TRIM66: variants seen among roughly 807,000 people sequenced by gnomAD.
TRIM66 encodes tripartite motif containing 66.
A neutral mutation model predicts 148.2 loss-of-function variants in TRIM66; 99 were observed. That is an observed-to-expected ratio of 0.67 (90% confidence interval 0.57 to 0.79). The LOEUF (loss-of-function observed/expected upper bound fraction) is 0.79, where lower values mean the gene tolerates loss of function less well. TRIM66 is among the 30% of genes least tolerant of loss of function. The pLI, the probability that TRIM66 is intolerant of heterozygous loss-of-function variation, is 0.00. For synonymous variants in TRIM66, 616 were observed against 635.9 expected, an observed-to-expected ratio of 0.97 and a Z score of 0.47; for missense variants, 1,666 against 1,697.9, an observed-to-expected ratio of 0.98 and a Z score of 0.33.
intron 15 of TRIM66, among the ~76,000 whole-genome samples, chr11:8,637,933 T>C (rs2036032164): frequency 6.6e-6 from 1 of 152,106 alleles, no homozygotes; most frequent in Admixed American, 6.5e-5. Context: ...GAGGTGAGAA[T>C]AGATAGTTGA....
Position 8,682,635 on chromosome 11 carries a change from T to TG in TRIM66, c.-583dup. ...ACACCGCCACCAGGACACTCCGTGA[T>TG]GGGGGATCACCACCCTCAGAAAGAG... On this transcript the variant is annotated 5_prime_UTR_variant, in exon 1 of 25. Transcript: ENST00000646038. The TG allele has an allele frequency of 1.4e-6, 1 of 705,646 alleles. No homozygotes were observed. The highest frequency in any genetic ancestry group is 2.5e-6 in the Non-Finnish European group (1 of 395,188). The allele number at this position is 705,646 out of a possible 1,614,324, so 43.7% of individuals were successfully genotyped here.
rs998177421 is a variant in TRIM66, at chr11:8,671,698, T to G, written c.340+88A>C. ...GTCCCTTGGGCATTTAAATTCTGAT[T>G]CTTTCTACACCCAAAATTCAGTTCC... On this transcript the variant is annotated intron_variant, in intron 6 of 24. Coordinates refer to ENST00000646038, the MANE Select transcript of TRIM66 (RefSeq NM_001388022.1). 5 of 671,200 alleles carry G rather than the reference T, an allele frequency of 7.4e-6. No individual in the cohort carries two copies. In the East Asian group the frequency reaches 1.4e-4, roughly 18 times the overall value. 41.6% of individuals were successfully genotyped at this position (671,200 alleles called of 1,614,324 possible). A position where few individuals can be genotyped will look rare whatever the true frequency, so the allele number is the denominator to read the frequency against.
intron 8 of TRIM66, among the ~76,000 whole-genome samples, chr11:8,649,308 C>G (rs888774726): frequency 1.3e-5 from 2 of 152,036 alleles, no homozygotes; most frequent in Non-Finnish European, 2.9e-5. Context: ...CACCGCACCC[C>G]AGCCTGGGTG....
chr11:8,621,562 A>G, intron 19 of TRIM66, 83 bp downstream of exon 19: 1 of 1,434,942 alleles, frequency 7.0e-7, no homozygotes, highest in Non-Finnish European at 9.2e-7. Context: ...GAAAGGTCCC[A>G]GAGTCAGAAT....
chr11:8,655,023 G>A (rs2037698809), intron 6 of TRIM66, among the ~76,000 whole-genome samples: 1 of 152,060 alleles, frequency 6.6e-6, no homozygotes, highest in Non-Finnish European at 1.5e-5. Context: ...ACTACGCCTG[G>A]CTATTTTTGT....
At chr11:8,668,714 T>C (rs896495428) in intron 6 of TRIM66, among the ~76,000 whole-genome samples, 1 of 151,808 alleles carries the variant, frequency 6.6e-6, no homozygotes, top group Non-Finnish European at 1.5e-5. Context: ...GCCTCCCGAG[T>C]AGCTGGGATT....
At chr11:8,670,764 T>C (rs1000167232) in intron 6 of TRIM66, among the ~76,000 whole-genome samples, 4 of 152,216 alleles carry the variant, frequency 2.6e-5, no homozygotes, top group African/African-American at 9.7e-5. Flanking sequence ...AAAAATCATA[T>C]ATTAATGTAA....
rs144537065 is a variant in TRIM66, at chr11:8,644,219, A to C, written c.1105-1093T>G. On this transcript the variant is annotated intron_variant, in intron 12 of 24. Transcript: ENST00000646038. Reference sequence around the variant, plus strand: ...TCACTAGTGTCCTAATTCCCTCCCCATCGCCAACTCCTACTCTTAGGTAAT... The same window carrying C: ...TCACTAGTGTCCTAATTCCCTCCCCCTCGCCAACTCCTACTCTTAGGTAAT... 459 of 326,070 alleles carry C rather than the reference A, an allele frequency of 1.4e-3. 1 individual carries two copies. In the Middle Eastern group the frequency reaches 0.014, roughly 10 times the overall value. 20.2% of individuals were successfully genotyped at this position (326,070 alleles called of 1,614,324 possible).
intron 13 of TRIM66, among the ~76,000 whole-genome samples, chr11:8,641,675 G>C (rs750103054): frequency 6.6e-6 from 1 of 152,064 alleles, no homozygotes; most frequent in Non-Finnish European, 1.5e-5. Context: ...CTGTGTCCCC[G>C]CCCAAATCTC....
chr11:8,640,163 G>A, intron 14 of TRIM66, 64 bp downstream of exon 14: 1 of 1,456,476 alleles, frequency 6.9e-7, no homozygotes, highest in South Asian at 1.3e-5. Flanking sequence ...TTTTGGGGAG[G>A]CTGTGTTCCC....
chr11:8,661,523 T>C (rs930453132), intron 6 of TRIM66, among the ~76,000 whole-genome samples: 1 of 152,142 alleles, frequency 6.6e-6, no homozygotes, highest in African/African-American at 2.4e-5. Context: ...TGATCCCTTT[T>C]CCAGCTGGGC....
intron 23 of TRIM66, 61 bp downstream of exon 23, chr11:8,619,322 C>T: frequency 3.6e-6 from 5 of 1,378,606 alleles, no homozygotes; most frequent in Non-Finnish European, 4.8e-6. Context: ...CAACCCTACC[C>T]ACCCATGACA....
chr11:8,674,075 C>G (rs1331854826), intron 4 of TRIM66, among the ~76,000 whole-genome samples: 3 of 152,232 alleles, frequency 2.0e-5, no homozygotes, highest in Non-Finnish European at 4.4e-5. Flanking sequence ...CGAGGACAGT[C>G]TCTATTAGAA....
At position 8,640,215 on chromosome 11, in the gene TRIM66, CCT is replaced by C; in HGVS notation, c.2148+10_2148+11del. The C allele has an allele frequency of 6.5e-7, 1 of 1,549,388 alleles. No homozygotes were observed. Among genetic ancestry groups the C allele is most frequent in the Non-Finnish European group, 8.7e-7 (1 of 1,145,434 alleles). On this transcript the variant is annotated intron_variant, in intron 14 of 24. Coordinates refer to ENST00000646038, the MANE Select transcript of TRIM66 (RefSeq NM_001388022.1). ...GGGCAGAATATGCACGCCAAGCCACCCTGACGCTTACCTGCAGGGTCTCCTCC... is the reference window on the plus strand; with the variant it reads ...GGGCAGAATATGCACGCCAAGCCACCGACGCTTACCTGCAGGGTCTCCTCC...
chr11:8,682,546 T>C, intron 1 of TRIM66, 55 bp downstream of exon 1: 1 of 572,848 alleles, frequency 1.7e-6, no homozygotes, highest in Non-Finnish European at 3.1e-6. Flanking sequence ...ACAGCACACC[T>C]AGCCCCGATT....
chr11:8,658,056 C>T (rs970745453), intron 6 of TRIM66, among the ~76,000 whole-genome samples: 5 of 152,232 alleles, frequency 3.3e-5, no homozygotes, highest in Admixed American at 2.0e-4. Flanking sequence ...GCCTAAGCCT[C>T]GGGGAATGGA....
intron 6 of TRIM66, among the ~76,000 whole-genome samples, chr11:8,670,222 A>C (rs1035807288): frequency 1.3e-5 from 2 of 152,150 alleles, no homozygotes; most frequent in Admixed American, 1.3e-4. Flanking sequence ...CATGTTGCCC[A>C]GGCTGGTCTC....
intron 15 of TRIM66, among the ~76,000 whole-genome samples, chr11:8,628,203 T>C (rs1263059167): frequency 5.9e-5 from 9 of 152,130 alleles, no homozygotes; most frequent in Non-Finnish European, 1.2e-4. Flanking sequence ...AGACCTCCAG[T>C]ACAATATTGA....
At chr11:8,664,180 T>C (rs558101107) in intron 6 of TRIM66, among the ~76,000 whole-genome samples, 1 of 152,368 alleles carries the variant, frequency 6.6e-6, no homozygotes, top group African/African-American at 2.4e-5. Context: ...ATATGTTAAC[T>C]GGCTAGATTT....
Sources: allele counts gnomAD v4.1 joint callset (sites outside exome capture counted in the v4.1 genomes callset), GRCh38; gene constraint gnomAD v4.1.1; transcripts MANE v1.5; gene names NCBI Gene and HGNC (gene_info 2026-07-23, HGNC 2026-07-21).